The following MYBPC2 variants were observed in gnomAD, a reference collection of about 807,000 sequenced individuals.
MYBPC2 encodes myosin-binding protein C, fast-type.
A neutral mutation model predicts 137.0 loss-of-function variants in MYBPC2; 122 were observed. That is an observed-to-expected ratio of 0.89 (90% confidence interval 0.77 to 1.03). The LOEUF is 1.03. Among genes scored for constraint, MYBPC2 ranks in the 50% least tolerant of loss-of-function variants. The pLI is 0.00. For missense variants in MYBPC2, 1,500 were observed against 1,534.4 expected (o/e 0.98, Z 0.37); for synonymous variants, 626 against 612.3 (o/e 1.02, Z -0.33).
intron 13 of MYBPC2, 101 bp from the exon 14 acceptor site, chr19:50,450,728 G>C (rs1433402253): frequency 3.9e-6 from 3 of 761,836 alleles, no homozygotes; most frequent in South Asian, 1.8e-5. Context: ...AAGAATGCAG[G>C]CATGTGGACT....
rs753458034 is a variant in MYBPC2, at chr19:50,451,330, TG to T, written c.1609+24del. The T allele has an allele frequency of 1.9e-6, 3 of 1,610,678 alleles. No individual in the cohort carries two copies. The South Asian group carries it at 3.3e-5, about 18-fold the overall frequency. ...GCAAGGTGAGCACCACGGGCTGCGC[TG>T]GGAGCGGGTCTGAGGGAGGAGGGAC... On this transcript the variant is annotated intron_variant, in intron 15 of 27. Coordinates refer to ENST00000357701, the MANE Select transcript of MYBPC2 (RefSeq NM_004533.4).
chr19:50,435,153 C>A lies in MYBPC2; in HGVS notation c.20-8C>A. On this transcript the variant is annotated splice_region_variant and splice_polypyrimidine_tract_variant and intron_variant, in intron 1 of 27. Transcript: ENST00000357701. The surrounding 1 kb of genome is among the most constrained non-coding windows in gnomAD (Gnocchi z 4.8). ...CATGCTCAACTATGACTGTCCCCTA[C>A]CTTACAGCGGCCAAAAAGGCCCCCA... The A allele has an allele frequency of 1.6e-6, 2 of 1,289,068 alleles. No individual in the cohort carries two copies. Among genetic ancestry groups the A allele is most frequent in the South Asian group, 1.2e-5 (1 of 81,852 alleles). 79.9% of individuals were successfully genotyped at this position (1,289,068 alleles called of 1,614,324 possible). A position where few individuals can be genotyped will look rare whatever the true frequency, so the allele number is the denominator to read the frequency against.
rs774870958 is a variant in MYBPC2, at chr19:50,441,012, C to T, written c.705C>T (p.Ile235=). The T allele has an allele frequency of 1.2e-6, 2 of 1,611,184 alleles. No homozygotes were observed. ...AGAAAATCGCCTTCCAGTATGGCAT[C>T]ACCGACCTCCGGGGCATGCTGAAGC... The part of the protein sequence containing the change: ...EYEKIAFQYG[I]TDLRGMLKRL... Residue 235 remains isoleucine, a synonymous_variant, in exon 8 of 28, where the codon ATC becomes ATT. Coordinates refer to ENST00000357701, the MANE Select transcript of MYBPC2 (RefSeq NM_004533.4).
chr19:50,452,492 GTATGTATGTATGTATGTATCTATCTATC>G (rs1325852092), intron 16 of MYBPC2, among the ~76,000 whole-genome samples: 18 of 123,104 alleles, frequency 1.5e-4, no homozygotes, highest in East Asian at 2.9e-4. Flanking sequence ...ATGTATGTAT[GTATGTATGTATGTATGTATCTATCTATC>G]TATCTATCTA....
At chr19:50,445,072 G>C (rs1227269430) in intron 11 of MYBPC2, among the ~76,000 whole-genome samples, 1 of 152,106 alleles carries the variant, frequency 6.6e-6, no homozygotes, top group Non-Finnish European at 1.5e-5. Flanking sequence ...CTTGAAAGGA[G>C]CAGTAATGGA....
intron 7 of MYBPC2, 46 bp downstream of exon 7, chr19:50,437,764 G>T: frequency 6.4e-7 from 1 of 1,568,270 alleles, no homozygotes; most frequent in East Asian, 2.3e-5. Context: ...GACTCAAGGG[G>T]AGGAGGTGGT....
At position 50,446,022 on chromosome 19, in the gene MYBPC2, G is replaced by C. The variant is rs202217309; in HGVS notation, c.1276G>C (p.Gly426Arg). The C allele has an allele frequency of 1.9e-6, 3 of 1,613,308 alleles. No homozygotes were observed. The highest frequency in any genetic ancestry group is 3.3e-4 in the Middle Eastern group (2 of 6,060). Residue 426 changes from glycine (G) to arginine (R), a missense_variant, in exon 12 of 28, where the codon GGC becomes CGC. By Grantham distance (125) the Gly-to-Arg change is moderately radical (BLOSUM62 -2). Coordinates refer to ENST00000357701, the MANE Select transcript of MYBPC2 (RefSeq NM_004533.4). The part of the protein sequence containing the change: ...RGRYQVITNG[G>R]QCEAELIVEE... ...TCGCTATCAGGTCATAACCAATGGCGGCCAGTGTGAGGCCGAGCTGATTGT... is the reference window on the plus strand; with the variant it reads ...TCGCTATCAGGTCATAACCAATGGCCGCCAGTGTGAGGCCGAGCTGATTGT...
chr19:50,445,682 C>T (rs990261768), intron 11 of MYBPC2, among the ~76,000 whole-genome samples, 198 bp from the exon 12 acceptor site: 25 of 152,066 alleles, frequency 1.6e-4, no homozygotes. Context: ...CATGAGCCAG[C>T]GTGCCTGGCC....
Position 50,448,305 on chromosome 19 carries a change from T to A in MYBPC2, c.1387T>A (p.Ser463Thr), listed in dbSNP as rs748010365. The change falls in exon 13 of 28, where the codon TCT becomes ACT. Residue 463 changes from serine to threonine, a missense_variant. Coordinates refer to ENST00000357701, the MANE Select transcript of MYBPC2 (RefSeq NM_004533.4). The stretch of plus-strand genomic sequence containing the variant: ...ACAAGCTGTGTTCAAGTGCGAGGTG[T>A]CTGATGAGAAAGTGACGGGCAAGTG... ...SEQAVFKCEV[S>T]DEKVTGKWYK... 5 of 1,613,810 alleles carry A rather than the reference T, an allele frequency of 3.1e-6. No homozygotes were observed. The highest frequency in any genetic ancestry group is 4.2e-6 in the Non-Finnish European group (5 of 1,179,808).
chr19:50,452,654 C>T (rs1240153386), intron 16 of MYBPC2, among the ~76,000 whole-genome samples: 3 of 152,080 alleles, frequency 2.0e-5, no homozygotes, highest in African/African-American at 7.2e-5. Context: ...ACCTCCCAGG[C>T]TCAAGTGATC....
At chr19:50,441,239 A>T (rs1288558074) in intron 8 of MYBPC2, among the ~76,000 whole-genome samples, 163 bp downstream of exon 8, 1 of 152,110 alleles carries the variant, frequency 6.6e-6, no homozygotes, top group Non-Finnish European at 1.5e-5. Context: ...CAAATTGAGG[A>T]CTAGCTAAAA....
chr19:50,452,500 GTATGTATGTATC>G (rs1184348744), intron 16 of MYBPC2, among the ~76,000 whole-genome samples: 76 of 93,498 alleles, frequency 8.1e-4, no homozygotes, highest in Non-Finnish European at 1.4e-3. Flanking sequence ...ATGTATGTAT[GTATGTATGTATC>G]TATCTATCTA....
At position 50,459,338 on chromosome 19, in the gene MYBPC2, G is replaced by A. The variant is rs761494515; in HGVS notation, c.2791+32G>A. The A allele has an allele frequency of 1.6e-5, 25 of 1,568,996 alleles. No homozygotes were observed. In the African/African-American group the frequency reaches 3.3e-4, roughly 21 times the overall value. ...GCGCTGGGGAGGGCCCCTGGAGGCC[G>A]GGAGGGGCAGGGATGGGCAGCGATG... is the stretch of plus-strand genomic sequence containing the variant. On this transcript the variant is annotated intron_variant, in intron 23 of 27. Transcript: ENST00000357701.
chr19:50,436,182 G>A (rs375505246), intron 4 of MYBPC2, 22 bp downstream of exon 4: 24 of 1,573,992 alleles, frequency 1.5e-5, no homozygotes, highest in African/African-American at 4.1e-5. Flanking sequence ...GTGGGCCAGA[G>A]GGCTGGTGGA....
At chr19:50,463,961 G>A (rs1050115065) in intron 26 of MYBPC2, among the ~76,000 whole-genome samples, 1 of 151,608 alleles carries the variant, frequency 6.6e-6, no homozygotes, top group Admixed American at 6.6e-5. Context: ...AAAAGGGAAG[G>A]GCACTATGGA....
intron 13 of MYBPC2, among the ~76,000 whole-genome samples, chr19:50,449,283 G>A (rs2039835198): frequency 6.6e-6 from 1 of 152,196 alleles, no homozygotes; most frequent in Non-Finnish European, 1.5e-5. Flanking sequence ...CCTCTGTGGT[G>A]GCAGGACCTG....
At chr19:50,461,835 T>A in intron 25 of MYBPC2, 65 bp from the exon 26 acceptor site, 1 of 1,576,936 alleles carries the variant, frequency 6.3e-7, no homozygotes. Flanking sequence ...TTGCGGTTTG[T>A]TCCCTGGTTG....
chr19:50,447,162 G>A (rs956778363), intron 12 of MYBPC2, among the ~76,000 whole-genome samples: 3 of 151,954 alleles, frequency 2.0e-5, no homozygotes, highest in East Asian at 1.9e-4. Flanking sequence ...AGTGAGCCTC[G>A]TAAAACATAA....
In MYBPC2 at chr19:50,452,102, G is replaced by T. The variant is rs143082344; in HGVS notation, c.1749+99G>T. 2.1e-4 allele frequency: 275 copies of T among 1,304,770 alleles called. 1 individual carries two copies. The East Asian group carries it at 6.6e-3, about 31-fold the overall frequency. 80.8% of individuals were successfully genotyped at this position (1,304,770 alleles called of 1,614,324 possible). A position where few individuals can be genotyped will look rare whatever the true frequency, so the allele number is the denominator to read the frequency against. ...TCATCCTCTATAAAATGAGGGTGATGGTTCCTTCTTCACAGGGTTGTTTTG... is the reference window on the plus strand; with the variant it reads ...TCATCCTCTATAAAATGAGGGTGATTGTTCCTTCTTCACAGGGTTGTTTTG... On this transcript the variant is annotated intron_variant, in intron 16 of 27. Transcript: ENST00000357701.
Sources: gnomAD v4.1 joint callset for allele counts (sites outside exome capture counted in the v4.1 genomes callset) on GRCh38, gnomAD v4.1.1 for gene constraint, Gnocchi (gnomAD v3.1) non-coding constraint, MANE v1.5 for transcripts, NCBI Gene and HGNC (gene_info 2026-07-23, HGNC 2026-07-21) for gene names.